The following EML6 variants were observed in gnomAD, a reference collection of about 807,000 sequenced individuals.
The protein encoded by EML6 is EMAP like 6.
EML6 carries 154 observed loss-of-function variants against 240.1 expected under a neutral mutation model. That is an observed-to-expected ratio of 0.64 (90% CI 0.56 to 0.73). The LOEUF (loss-of-function observed/expected upper bound fraction) is 0.73. EML6 is among the 30% of genes least tolerant of loss of function. The probability of loss-of-function intolerance (pLI) is 0.00; values close to 1 mark genes in which losing one functional copy is unlikely to be tolerated. For missense variants in EML6, 2,964 were observed against 2,474.6 expected (o/e 1.20, Z -4.20); for synonymous variants, 1,148 against 899.0 (o/e 1.28, Z -4.95).
At chr2:54,767,466 T>A (rs1668228700) in intron 2 of EML6, among the ~76,000 whole-genome samples, 1 of 152,160 alleles carries the variant, frequency 6.6e-6, no homozygotes, top group Admixed American at 6.5e-5. Context: ...TAGTCTCCAG[T>A]CTAAAAAGAT....
In EML6 at chr2:54,964,725, T is replaced by C; in HGVS notation, c.5485T>C (p.Tyr1829His). 6.4e-7 allele frequency: 1 copy of C among 1,551,870 alleles called. No homozygotes were observed. Among genetic ancestry groups the C allele is most frequent in the Non-Finnish European group, 8.7e-7 (1 of 1,147,030 alleles). The stretch of plus-strand genomic sequence containing the variant: ...GATGGATTTTTCTGCGGATGGCAAA[T>C]ACATTCAGGTATGCTTGGGGTTTAC... ...IQMDFSADGKYIQVSTGAYKR... is the reference protein window; with the variant it reads ...IQMDFSADGKHIQVSTGAYKR... The change falls in exon 38 of 42, where the codon TAC becomes CAC. Residue 1829 changes from tyrosine (Y) to histidine (H), a missense_variant. Tyr to His is a moderately conservative substitution (Grantham distance 83). Coordinates refer to ENST00000356458, the MANE Select transcript of EML6 (RefSeq NM_001039753.4).
At chr2:54,844,793 C>A (rs1017240020) in intron 8 of EML6, among the ~76,000 whole-genome samples, 2 of 152,196 alleles carry the variant, frequency 1.3e-5, no homozygotes, top group African/African-American at 4.8e-5. Flanking sequence ...AGCTTTCTTG[C>A]TGTGGATCAT....
intron 28 of EML6, 97 bp downstream of exon 28, chr2:54,928,848 T>A (rs1674704351): frequency 5.7e-6 from 8 of 1,397,386 alleles, no homozygotes; most frequent in Middle Eastern, 1.8e-4. Context: ...AGTTGCTGTT[T>A]AAGTCAGTCT....
At chr2:54,964,829 A>T in intron 38 of EML6, 96 bp downstream of exon 38, 1 of 1,163,376 alleles carries the variant, frequency 8.6e-7, no homozygotes, top group African/African-American at 1.5e-5. Flanking sequence ...GTACCAGGCA[A>T]TGTGCTAACT....
chr2:54,866,736 C>G lies in EML6; in HGVS notation c.1933-30C>G, dbSNP rs1279704230. On this transcript the variant is annotated intron_variant, in intron 13 of 41. Transcript: ENST00000356458. Reference sequence around the variant, plus strand: ...ATTTTTGGAACCTGATGAAAGGCATCTCACCCAGATGTTTCTGTTGTACTT... The same window carrying G: ...ATTTTTGGAACCTGATGAAAGGCATGTCACCCAGATGTTTCTGTTGTACTT... 7.3e-6 allele frequency: 10 copies of G among 1,364,450 alleles called. No homozygotes were observed. In the South Asian group the frequency reaches 7.8e-5, roughly 11 times the overall value. 84.5% of individuals were successfully genotyped at this position (1,364,450 alleles called of 1,614,324 possible). A position where few individuals can be genotyped will look rare whatever the true frequency, so the allele number is the denominator to read the frequency against.
At chr2:54,817,574 T>C (rs1342886859) in intron 4 of EML6, among the ~76,000 whole-genome samples, 1 of 152,246 alleles carries the variant, frequency 6.6e-6, no homozygotes, top group Non-Finnish European at 1.5e-5. Context: ...TCCAGTCTTT[T>C]GGCTTCCCTG....
At chr2:54,905,567 C>A (rs1404294146) in intron 24 of EML6, among the ~76,000 whole-genome samples, 1 of 152,120 alleles carries the variant, frequency 6.6e-6, no homozygotes. Context: ...CCATTTTAAT[C>A]ATTTTTTAAG....
intron 17 of EML6, among the ~76,000 whole-genome samples, chr2:54,884,426 G>A (rs1348972926): frequency 6.6e-6 from 1 of 152,080 alleles, no homozygotes; most frequent in Admixed American, 6.5e-5. Context: ...ACTGGCGATG[G>A]GTGAGCAACT....
At chr2:54,811,838 C>A (rs1310193128) in intron 2 of EML6, among the ~76,000 whole-genome samples, 1 of 152,164 alleles carries the variant, frequency 6.6e-6, no homozygotes, top group African/African-American at 2.4e-5. Flanking sequence ...TAATCTCTCA[C>A]CAACTGAATG....
intron 4 of EML6, among the ~76,000 whole-genome samples, chr2:54,819,663 C>T (rs528279250): frequency 3.7e-4 from 56 of 151,528 alleles, no homozygotes; most frequent in Non-Finnish European, 7.1e-4. Context: ...GTAGTCCCAG[C>T]TACTCGGGAG....
At chr2:54,893,377 T>A (rs1007871440) in intron 19 of EML6, among the ~76,000 whole-genome samples, 6 of 152,186 alleles carry the variant, frequency 3.9e-5, no homozygotes, top group African/African-American at 1.4e-4. Context: ...CTTGCTGTGT[T>A]ACCCAATGGC....
intron 33 of EML6, among the ~76,000 whole-genome samples, chr2:54,958,272 A>G (rs1357517179): frequency 1.3e-5 from 2 of 151,754 alleles, no homozygotes; most frequent in East Asian, 1.9e-4. Flanking sequence ...GCTCACTGCA[A>G]CCTCCACCTC....
chr2:54,795,770 A>G (rs1201721153), intron 2 of EML6, among the ~76,000 whole-genome samples: 3 of 152,230 alleles, frequency 2.0e-5, no homozygotes, highest in South Asian at 2.1e-4. Context: ...CGAATTCAAT[A>G]CTTAATACTT....
intron 28 of EML6, among the ~76,000 whole-genome samples, chr2:54,936,414 T>G (rs1051237206): frequency 2.0e-5 from 3 of 152,222 alleles, no homozygotes; most frequent in Non-Finnish European, 4.4e-5. Flanking sequence ...CATTTCTTCC[T>G]CACTTAACCG....
At chr2:54,951,551 G>A (rs200143997) in intron 30 of EML6, among the ~76,000 whole-genome samples, 99 of 144,586 alleles carry the variant, frequency 6.8e-4, no homozygotes, top group Non-Finnish European at 7.1e-4. Flanking sequence ...ATTTCAAAAA[G>A]AAAAAAAAAA....
chr2:54,756,929 G>A (rs1667759181), intron 2 of EML6, among the ~76,000 whole-genome samples: 1 of 151,284 alleles, frequency 6.6e-6, no homozygotes, highest in South Asian at 2.1e-4. Context: ...GAGACCTCCT[G>A]GATCTGTAAT....
chr2:54,854,085 AC>A (rs769762477), intron 11 of EML6, among the ~76,000 whole-genome samples: 14 of 152,208 alleles, frequency 9.2e-5, no homozygotes, highest in Non-Finnish European at 2.1e-4. Context: ...TAGAGTTATT[AC>A]CATATTGTGA....
At chr2:54,728,654 T>A (rs1055770165) in intron 2 of EML6, among the ~76,000 whole-genome samples, 1 of 152,180 alleles carries the variant, frequency 6.6e-6, no homozygotes, top group African/African-American at 2.4e-5. Context: ...GAAAAAAATG[T>A]ATGCAAAGGG....
At chr2:54,871,843 A>G (rs901897747) in intron 16 of EML6, among the ~76,000 whole-genome samples, 1 of 152,190 alleles carries the variant, frequency 6.6e-6, no homozygotes, top group Admixed American at 6.5e-5. Flanking sequence ...ACCGCTTCCC[A>G]TCTTCCTCAT....
Sources: gnomAD v4.1 joint callset for allele counts (sites outside exome capture counted in the v4.1 genomes callset) on GRCh38, gnomAD v4.1.1 for gene constraint, MANE v1.5 for transcripts, NCBI Gene and HGNC (gene_info 2026-07-23, HGNC 2026-07-21) for gene names.